The following CADM2 variants were observed in gnomAD, a reference collection of about 807,000 sequenced individuals.
CADM2 encodes immunoglobulin superfamily member 4D.
In CADM2, 12 loss-of-function variants were observed where a neutral mutation model predicts 49.8. The ratio of observed to expected loss-of-function variants is 0.24; its 90% confidence interval spans 0.15 to 0.39. The LOEUF (loss-of-function observed/expected upper bound fraction) is 0.39, where lower values mean the gene tolerates loss of function less well. Ranked by LOEUF, CADM2 falls within the 10% of genes least tolerant of loss-of-function variation. The pLI is 1.00. For missense variants in CADM2, 378 were observed against 492.3 expected (o/e 0.77, Z 2.20); for synonymous variants, 214 against 175.4 (o/e 1.22, Z -1.74).
intron 8 of CADM2, among the ~76,000 whole-genome samples, chr3:86,006,152 T>C (rs1006668260): frequency 6.6e-6 from 1 of 152,210 alleles, no homozygotes; most frequent in Non-Finnish European, 1.5e-5. Context: ...AAATCTTAGC[T>C]ATTGTAAACA....
intron 1 of CADM2, among the ~76,000 whole-genome samples, chr3:85,102,285 A>C (rs1285541913): frequency 1.3e-5 from 2 of 152,188 alleles, no homozygotes; most frequent in Non-Finnish European, 2.9e-5. Flanking sequence ...TTGGGTCATG[A>C]ATAAATGAAC....
intron 1 of CADM2, among the ~76,000 whole-genome samples, chr3:85,427,197 TA>T (rs1576534270): frequency 4.1e-5 from 5 of 120,728 alleles, no homozygotes; most frequent in South Asian, 5.5e-4. Flanking sequence ...TATATATATA[TA>T]TATGTATAAT....
intron 7 of CADM2, among the ~76,000 whole-genome samples, chr3:85,947,485 G>A (rs1009875813): frequency 2.6e-5 from 4 of 151,036 alleles, no homozygotes; most frequent in African/African-American, 4.9e-5. Flanking sequence ...AAGCAATATA[G>A]TCAGTTTCTT....
At chr3:85,491,008 G>T (rs1340164927) in intron 1 of CADM2, among the ~76,000 whole-genome samples, 4 of 152,050 alleles carry the variant, frequency 2.6e-5, no homozygotes, top group African/African-American at 9.7e-5. Context: ...TTTTTTACTT[G>T]CTCTGAATTT....
intron 3 of CADM2, among the ~76,000 whole-genome samples, chr3:85,807,692 A>G (rs995750586): frequency 4.6e-5 from 7 of 152,256 alleles, no homozygotes; most frequent in African/African-American, 1.4e-4. Context: ...CTGCCACACT[A>G]GACATATTTC....
intron 1 of CADM2, among the ~76,000 whole-genome samples, chr3:85,465,786 G>T (rs566992933): frequency 8.5e-5 from 13 of 152,286 alleles, no homozygotes; most frequent in Admixed American, 7.2e-4. Context: ...AAAGCTTACA[G>T]AATTAAATGA....
At chr3:85,648,914 T>C (rs977026494) in intron 1 of CADM2, among the ~76,000 whole-genome samples, 8 of 152,042 alleles carry the variant, frequency 5.3e-5, no homozygotes, top group African/African-American at 1.9e-4. Flanking sequence ...TTCTCCTTTT[T>C]TTTCCTCCCA....
chr3:85,189,675 C>T (rs1006876373), intron 1 of CADM2, among the ~76,000 whole-genome samples: 3 of 152,078 alleles, frequency 2.0e-5, no homozygotes, highest in Non-Finnish European at 2.9e-5. Context: ...AAACAATTAA[C>T]TTTTCTTATT....
chr3:85,236,212 A>T (rs2042404069), intron 1 of CADM2, among the ~76,000 whole-genome samples: 1 of 151,956 alleles, frequency 6.6e-6, no homozygotes, highest in Non-Finnish European at 1.5e-5. Flanking sequence ...AGGATAGAAA[A>T]CTTCCTTCCC....
chr3:85,471,200 T>A (rs2107609300), intron 1 of CADM2, among the ~76,000 whole-genome samples: 1 of 152,234 alleles, frequency 6.6e-6, no homozygotes, highest in Non-Finnish European at 1.5e-5. Flanking sequence ...GGATCCAGGT[T>A]TCATCTATCT....
At chr3:85,511,255 C>CAG (rs986638417) in intron 1 of CADM2, among the ~76,000 whole-genome samples, 1 of 152,016 alleles carries the variant, frequency 6.6e-6, no homozygotes, top group African/African-American at 2.4e-5. Flanking sequence ...CTCTGTAAAA[C>CAG]AGAACAATTT....
At position 85,979,232 on chromosome 3, in the gene CADM2, G is replaced by A. The variant is rs570435573; in HGVS notation, c.970+17585G>A. 6 of 1,610,482 alleles carry A rather than the reference G, an allele frequency of 3.7e-6. No homozygotes were observed. In the African/African-American group the frequency reaches 8.0e-5, roughly 22 times the overall value. Reference sequence around the variant, plus strand: ...TACCACTGCAACAGTCACAACCACTGTAGCCATAACAACCAGCCCAACCAC... The same window carrying A: ...TACCACTGCAACAGTCACAACCACTATAGCCATAACAACCAGCCCAACCAC... On this transcript the variant is annotated intron_variant, in intron 8 of 9. Coordinates refer to ENST00000383699, the MANE Select transcript of CADM2 (RefSeq NM_001167675.2).
At chr3:85,867,724 A>G (rs1340104177) in intron 3 of CADM2, among the ~76,000 whole-genome samples, 1 of 152,052 alleles carries the variant, frequency 6.6e-6, no homozygotes, top group East Asian at 1.9e-4. Flanking sequence ...TGCTTATTTT[A>G]TGGGCCGTTT....
chr3:84,970,044 CT>C (rs33980527), intron 1 of CADM2, among the ~76,000 whole-genome samples: 8,155 of 103,414 alleles, frequency 0.079, 323 homozygotes, highest in Admixed American at 0.19. Flanking sequence ...GACTGACCTG[CT>C]TTTTTTTTTT....
intron 2 of CADM2, among the ~76,000 whole-genome samples, chr3:85,735,640 T>TA (rs2068102538): frequency 6.6e-6 from 1 of 152,132 alleles, no homozygotes; most frequent in Non-Finnish European, 1.5e-5. Context: ...AATGTGATTA[T>TA]AATAGGATGA....
In CADM2 at chr3:86,065,611, A is replaced by C; in HGVS notation, c.977A>C (p.Asn326Thr). The C allele has an allele frequency of 6.2e-7, 1 of 1,612,296 alleles. No individual in the cohort carries two copies. Residue 326 changes from asparagine (N) to threonine (T), a missense_variant, in exon 9 of 10, where the codon AAT becomes ACT. By Grantham distance (65) the Asn-to-Thr change is moderately conservative. Coordinates refer to ENST00000383699, the MANE Select transcript of CADM2 (RefSeq NM_001167675.2). ...AEYVLIVHDP[N>T]ALAGQNGPDH... ...ATTTTCCTGTCTTTTCCAGATCCTA[A>C]TGCTTTGGCTGGCCAGAATGGCCCT...
Position 85,070,943 on chromosome 3 carries a change from C to T in CADM2, c.61+111275C>T, listed in dbSNP as rs539211551. 5.3e-5 allele frequency among the ~76,000 whole-genome samples: 8 copies of T among 151,430 alleles called. No individual in the cohort carries two copies. The South Asian group carries it at 1.7e-3, about 31-fold the overall frequency. The stretch of plus-strand genomic sequence containing the variant: ...GGCGGAAGTTGCAGTGAGCCGAGAT[C>T]GCGCCACCGCACTCCAGCCTGGGCA... On this transcript the variant is annotated intron_variant, in intron 1 of 9. Transcript: ENST00000383699.
At chr3:85,277,551 C>A (rs1035788007) in intron 1 of CADM2, among the ~76,000 whole-genome samples, 1 of 151,370 alleles carries the variant, frequency 6.6e-6, no homozygotes, top group Non-Finnish European at 1.5e-5. Flanking sequence ...TTGCATCATC[C>A]TGAAACTTTA....
At chr3:85,205,379 T>C (rs2041608053) in intron 1 of CADM2, among the ~76,000 whole-genome samples, 1 of 152,296 alleles carries the variant, frequency 6.6e-6, no homozygotes, top group East Asian at 1.9e-4. Flanking sequence ...GATATCTTTA[T>C]ATTTTGAAGC....
Sources: gnomAD v4.1 joint callset for allele counts (sites outside exome capture counted in the v4.1 genomes callset) on GRCh38, gnomAD v4.1.1 for gene constraint, MANE v1.5 for transcripts, NCBI Gene and HGNC (gene_info 2026-07-23, HGNC 2026-07-21) for gene names.